The following SLC17A6 variants were observed in gnomAD, a reference collection of about 807,000 sequenced individuals.
SLC17A6 encodes vesicular glutamate transporter 2.
A neutral mutation model predicts 67.1 loss-of-function variants in SLC17A6; 35 were observed. The ratio of observed to expected loss-of-function variants is 0.52; its 90% CI spans 0.40 to 0.69. The LOEUF (loss-of-function observed/expected upper bound fraction) is 0.69, where lower values mean the gene tolerates loss of function less well. Among genes scored for constraint, SLC17A6 ranks in the 30% least tolerant of loss-of-function variants. The pLI is 0.00. For synonymous variants in SLC17A6, 285 were observed against 252.3 expected, an observed-to-expected ratio of 1.13 and a Z score of -1.23; for missense variants, 588 against 723.9, an observed-to-expected ratio of 0.81 and a Z score of 2.15.
chr11:22,343,288 C>T lies in SLC17A6; in HGVS notation c.381C>T (p.Ile127=), dbSNP rs376904844. 4.4e-5 allele frequency: 71 copies of T among 1,612,428 alleles called. No homozygotes were observed. Among genetic ancestry groups the T allele is most frequent in the Non-Finnish European group, 5.8e-5 (68 of 1,179,628 alleles). ...GGGACCCGGAAACCGTGGGGATGATCCACGGTTCCTTCTTTTGGGGCTACA... is the reference window on the plus strand; with the variant it reads ...GGGACCCGGAAACCGTGGGGATGATTCACGGTTCCTTCTTTTGGGGCTACA... ...FNWDPETVGM[I]HGSFFWGYII... Residue 127 remains isoleucine (I), a synonymous_variant, in exon 3 of 12, where the codon ATC becomes ATT. Coordinates refer to ENST00000263160, the MANE Select transcript of SLC17A6 (RefSeq NM_020346.3).
Position 22,338,561 on chromosome 11 carries a change from G to C in SLC17A6, c.28G>C (p.Ala10Pro), listed in dbSNP as rs1467698046. Residue 10 changes from alanine to proline, a missense_variant, in exon 1 of 12, where the codon GCC (alanine) becomes CCC (proline). Ala to Pro is a conservative substitution (Grantham distance 27). Transcript: ENST00000263160. Reference protein sequence around the residue: MESVKQRILAPGKEGLKNFA... With the variant: MESVKQRILPPGKEGLKNFA... Reference sequence around the variant, plus strand: ...GGAATCCGTAAAACAAAGGATTTTGGCCCCAGGAAAAGAGGGGCTAAAGAA... The same window carrying C: ...GGAATCCGTAAAACAAAGGATTTTGCCCCCAGGAAAAGAGGGGCTAAAGAA... 2 of 1,613,534 alleles carry C rather than the reference G, an allele frequency of 1.2e-6. No individual in the cohort carries two copies.
intron 8 of SLC17A6, among the ~76,000 whole-genome samples, 197 bp from the exon 9 acceptor site, chr11:22,374,558 C>T (rs947654486): frequency 1.3e-4 from 20 of 151,792 alleles, no homozygotes; most frequent in Non-Finnish European, 2.4e-4. Flanking sequence ...TAAAGGAATC[C>T]AAGTAAATTT....
At chr11:22,376,196 C>G in intron 10 of SLC17A6, 104 bp downstream of exon 10, 1 of 614,352 alleles carries the variant, frequency 1.6e-6, no homozygotes, top group Non-Finnish European at 2.7e-6. Context: ...TATATATATT[C>G]TATATGTTGA....
intron 2 of SLC17A6, among the ~76,000 whole-genome samples, chr11:22,342,070 C>T (rs2133857655): frequency 6.6e-6 from 1 of 152,330 alleles, no homozygotes; most frequent in East Asian, 1.9e-4. Flanking sequence ...TAGCAATGTC[C>T]ACTAAGTCTA....
Position 22,365,562 on chromosome 11 carries a change from T to A in SLC17A6, c.764T>A (p.Val255Asp). ...VFYVYGSFGM[V>D]WYMFWLLVSY... Reference sequence around the variant, plus strand: ...TTGCTTGCAGGAAGCTTTGGAATGGTCTGGTACATGTTTTGGCTTTTGGTG... The same window carrying A: ...TTGCTTGCAGGAAGCTTTGGAATGGACTGGTACATGTTTTGGCTTTTGGTG... Residue 255 changes from valine to aspartate, a missense_variant, in exon 7 of 12, where the codon GTC (valine) becomes GAC (aspartate). Coordinates refer to ENST00000263160, the MANE Select transcript of SLC17A6 (RefSeq NM_020346.3). 1 of 1,613,950 alleles carries A rather than the reference T, an allele frequency of 6.2e-7. No individual in the cohort carries two copies. Among genetic ancestry groups the A allele is most frequent in the African/African-American group, 1.3e-5 (1 of 75,036 alleles).
intron 7 of SLC17A6, among the ~76,000 whole-genome samples, chr11:22,369,315 C>T (rs1856147404): frequency 6.6e-6 from 1 of 151,844 alleles, no homozygotes; most frequent in African/African-American, 2.4e-5. Context: ...GGGTCATATG[C>T]AAAGCTGATC....
chr11:22,360,085 TAAATAATGTA>T (rs1856032850), intron 4 of SLC17A6, among the ~76,000 whole-genome samples: 1 of 145,760 alleles, frequency 6.9e-6, no homozygotes, highest in Admixed American at 6.8e-5. Flanking sequence ...TGGAAATAGA[TAAATAATGTA>T]AAATATTAAG....
At chr11:22,374,724 T>C in intron 8 of SLC17A6, 31 bp from the exon 9 acceptor site, 1 of 1,558,530 alleles carries the variant, frequency 6.4e-7, no homozygotes, top group Non-Finnish European at 8.7e-7. Context: ...TATGGTTATG[T>C]CTATTTCTCT....
intron 1 of SLC17A6, among the ~76,000 whole-genome samples, chr11:22,340,298 C>T (rs555212388): frequency 1.3e-5 from 2 of 152,174 alleles, no homozygotes; most frequent in African/African-American, 2.4e-5. Flanking sequence ...AAGTATCAAT[C>T]GCAAGGGGCT....
At chr11:22,362,559 G>A (rs927068630) in intron 5 of SLC17A6, among the ~76,000 whole-genome samples, 180 bp from the exon 6 acceptor site, 3 of 152,100 alleles carry the variant, frequency 2.0e-5, no homozygotes, top group South Asian at 2.1e-4. Context: ...GTGTAATCCC[G>A]TGTTCCTGTG....
intron 2 of SLC17A6, 54 bp from the exon 3 acceptor site, chr11:22,343,193 C>T: frequency 6.9e-7 from 1 of 1,452,114 alleles, no homozygotes; most frequent in South Asian, 1.1e-5. Flanking sequence ...GAAAGTGAGC[C>T]TTTGGTACTG....
intron 8 of SLC17A6, among the ~76,000 whole-genome samples, chr11:22,372,626 G>A (rs1002150501): frequency 7.2e-5 from 11 of 152,090 alleles, no homozygotes; most frequent in South Asian, 2.1e-4. Context: ...TGAACAAGAC[G>A]TGGATCAGAT....
At chr11:22,340,607 G>A (rs1376880525) in intron 1 of SLC17A6, among the ~76,000 whole-genome samples, 1 of 152,148 alleles carries the variant, frequency 6.6e-6, no homozygotes, top group African/African-American at 2.4e-5. Flanking sequence ...CGCATTTTGC[G>A]TCTTGGGAAA....
chr11:22,352,080 C>T (rs576986968), intron 3 of SLC17A6, among the ~76,000 whole-genome samples: 4 of 152,116 alleles, frequency 2.6e-5, no homozygotes, highest in Admixed American at 6.5e-5. Flanking sequence ...GACACCTTAT[C>T]GCCTCTGAAG....
chr11:22,360,545 A>AG (rs1856041941), intron 4 of SLC17A6, among the ~76,000 whole-genome samples: 2 of 139,520 alleles, frequency 1.4e-5, no homozygotes, highest in African/African-American at 5.1e-5. Flanking sequence ...CCCAAAAAAA[A>AG]GATAGGTTCA....
chr11:22,365,510 T>C (rs377270752), intron 6 of SLC17A6, 37 bp from the exon 7 acceptor site: 1 of 1,611,672 alleles, frequency 6.2e-7, no homozygotes, highest in African/African-American at 1.3e-5. Context: ...CACTGTTAAA[T>C]GGAAGTGACT....
chr11:22,338,698 C>T, intron 1 of SLC17A6, 79 bp downstream of exon 1: 1 of 1,048,430 alleles, frequency 9.5e-7, no homozygotes, highest in Non-Finnish European at 1.5e-6. Flanking sequence ...ACCCTGGTGG[C>T]TCAGAAAGAT....
intron 8 of SLC17A6, among the ~76,000 whole-genome samples, chr11:22,371,993 C>A (rs537412903): frequency 2.0e-5 from 3 of 151,912 alleles, no homozygotes; most frequent in African/African-American, 4.8e-5. Flanking sequence ...TTATCGGCTT[C>A]AATTTTCTTA....
intron 5 of SLC17A6, chr11:22,362,211 C>CT (rs1347856686): frequency 2.2e-6 from 1 of 452,694 alleles, no homozygotes; most frequent in Non-Finnish European, 4.3e-6. Context: ...AACGTGATAA[C>CT]TTACCTTGAT....
Sources: gnomAD v4.1 joint callset for allele counts (sites outside exome capture counted in the v4.1 genomes callset) on GRCh38, gnomAD v4.1.1 for gene constraint, MANE v1.5 for transcripts, NCBI Gene and HGNC (gene_info 2026-07-23, HGNC 2026-07-21) for gene names.